The following ENTREP2 variants were observed in gnomAD, a reference collection of about 807,000 sequenced individuals.
ENTREP2 encodes endosomal transmembrane epsin interactor 2.
At chr15:29,366,249 A>G in the ENTREP2 span, among the ~76,000 whole-genome samples, 2 of 151,852 alleles carry the variant, frequency 1.3e-5, no homozygotes, top group Non-Finnish European at 2.9e-5. Context: ...AATTTTTTGT[A>G]TTTTTAGTAG....
chr15:29,607,807 G>A, the ENTREP2 span, among the ~76,000 whole-genome samples: 1 of 136,458 alleles, frequency 7.3e-6, no homozygotes, highest in Non-Finnish European at 1.5e-5. Context: ...GGGATAGATA[G>A]ATAGATAGAT....
At chr15:29,640,489 C>T in the ENTREP2 span, among the ~76,000 whole-genome samples, 1 of 152,028 alleles carries the variant, frequency 6.6e-6, no homozygotes, top group African/African-American at 2.4e-5. Context: ...GAAACCCCAT[C>T]TCTACAAATA....
the ENTREP2 span, among the ~76,000 whole-genome samples, chr15:29,284,759 T>A: frequency 6.6e-6 from 1 of 152,118 alleles, no homozygotes; most frequent in African/African-American, 2.4e-5. Flanking sequence ...GCATACTCTC[T>A]GTGAATACTC....
At chr15:29,661,823 C>T in the ENTREP2 span, among the ~76,000 whole-genome samples, 3 of 152,100 alleles carry the variant, frequency 2.0e-5, no homozygotes, top group Non-Finnish European at 2.9e-5. Context: ...TTTTCCATTT[C>T]AATACAAACG....
chr15:29,156,251 C>A, the ENTREP2 span, among the ~76,000 whole-genome samples: 15 of 151,500 alleles, frequency 9.9e-5, no homozygotes, highest in Admixed American at 9.2e-4. Flanking sequence ...GTAGCGTGAT[C>A]TTGGCTCACT....
the ENTREP2 span, among the ~76,000 whole-genome samples, chr15:29,143,766 G>C: frequency 6.6e-6 from 1 of 152,132 alleles, no homozygotes; most frequent in Non-Finnish European, 1.5e-5. Context: ...TGAAGAGTTA[G>C]TACAACCAAA....
At chr15:29,133,521 A>G in the ENTREP2 span, among the ~76,000 whole-genome samples, 3 of 152,174 alleles carry the variant, frequency 2.0e-5, no homozygotes, top group South Asian at 6.2e-4. Context: ...CCTCCATCGC[A>G]TCAAAGCTGC....
the ENTREP2 span, among the ~76,000 whole-genome samples, chr15:29,496,386 TAAATA>T: frequency 2.6e-5 from 4 of 151,574 alleles, no homozygotes; most frequent in South Asian, 2.1e-4. Flanking sequence ...ATAAAATAAA[TAAATA>T]AAATAAAATA....
At chr15:29,117,941 CG>C in the ENTREP2 span, 1 of 152,082 alleles carries the variant, frequency 6.6e-6, no homozygotes, top group Non-Finnish European at 1.5e-5. Flanking sequence ...CACACATCCA[CG>C]CACATGCGAC....
At chr15:29,612,322 C>A in the ENTREP2 span, among the ~76,000 whole-genome samples, 1 of 152,130 alleles carries the variant, frequency 6.6e-6, no homozygotes, top group East Asian at 1.9e-4. Context: ...CAGGGAGAAG[C>A]TACTCTCACT....
the ENTREP2 span, among the ~76,000 whole-genome samples, chr15:29,203,930 C>T: frequency 4.6e-5 from 7 of 152,202 alleles, no homozygotes; most frequent in Admixed American, 3.3e-4. Context: ...AAGGATCATC[C>T]GGGGAAAGGG....
At chr15:29,388,354 A>C in the ENTREP2 span, among the ~76,000 whole-genome samples, 7 of 152,258 alleles carry the variant, frequency 4.6e-5, no homozygotes, top group Non-Finnish European at 8.8e-5. Context: ...CAGCCAACAG[A>C]CACATGAAAA....
chr15:29,266,179 AAGAT>A, the ENTREP2 span: 1 of 152,262 alleles, frequency 6.6e-6, no homozygotes, highest in Non-Finnish European at 1.5e-5. Flanking sequence ...GTGAGAGCAA[AAGAT>A]AGGCAGATAC....
At chr15:29,608,521 C>A in the ENTREP2 span, among the ~76,000 whole-genome samples, 96 of 72,532 alleles carry the variant, frequency 1.3e-3, no homozygotes, top group South Asian at 0.015. Context: ...CTCCTGCCTT[C>A]TTTATTATTA....
At chr15:29,448,969 C>T in the ENTREP2 span, among the ~76,000 whole-genome samples, 1 of 152,172 alleles carries the variant, frequency 6.6e-6, no homozygotes, top group Non-Finnish European at 1.5e-5. Flanking sequence ...TTCCCAACCC[C>T]TGGCCTGAAG....
the ENTREP2 span, among the ~76,000 whole-genome samples, chr15:29,416,281 A>C: frequency 2.0e-5 from 3 of 152,216 alleles, no homozygotes; most frequent in African/African-American, 4.8e-5. Context: ...ACAGCATGGT[A>C]CTGGTACCAA....
At chr15:29,372,980 A>G in the ENTREP2 span, among the ~76,000 whole-genome samples, 1 of 152,164 alleles carries the variant, frequency 6.6e-6, no homozygotes, top group African/African-American at 2.4e-5. Context: ...TAAACATAAA[A>G]AGAAAAATTA....
chr15:29,146,473 T>C, the ENTREP2 span, among the ~76,000 whole-genome samples: 16 of 152,322 alleles, frequency 1.1e-4, no homozygotes, highest in South Asian at 1.2e-3. Flanking sequence ...TGGAATAGAA[T>C]TGAGAGTCCA....
chr15:29,448,844 GA>G, the ENTREP2 span, among the ~76,000 whole-genome samples: 1 of 152,018 alleles, frequency 6.6e-6, no homozygotes. Context: ...AATTAGTTTT[GA>G]AAAATCAATC....
Sources: allele counts gnomAD v4.1 joint callset (sites outside exome capture counted in the v4.1 genomes callset), GRCh38; gene constraint gnomAD v4.1.1; transcripts MANE v1.5; gene names NCBI Gene and HGNC (gene_info 2026-07-23, HGNC 2026-07-21).